The following FZD6 variants were observed in gnomAD, a reference collection of about 807,000 sequenced individuals.
The protein encoded by FZD6 is frizzled class receptor 6.
FZD6 carries 49 observed loss-of-function variants against 61.4 expected under a neutral mutation model. The observed-to-expected ratio is 0.80, with a 90% confidence interval of 0.63 to 1.01. The LOEUF (loss-of-function observed/expected upper bound fraction) is 1.01. FZD6 is among the 50% of genes least tolerant of loss of function. The pLI is 0.00. For missense variants in FZD6, 724 were observed against 848.2 expected (o/e 0.85, Z 1.82); for synonymous variants, 265 against 292.2 (o/e 0.91, Z 0.95).
chr8:103,315,615 G>C (rs1172655623), intron 2 of FZD6, among the ~76,000 whole-genome samples: 1 of 152,224 alleles, frequency 6.6e-6, no homozygotes, highest in South Asian at 2.1e-4. Flanking sequence ...TACTGAGGGG[G>C]TGAGGAGGAT....
chr8:103,328,748 T>C (rs1038430312), intron 5 of FZD6, among the ~76,000 whole-genome samples: 2 of 151,604 alleles, frequency 1.3e-5, no homozygotes, highest in Admixed American at 6.6e-5. Flanking sequence ...ATTGGATTCA[T>C]TATTTTGGGT....
At chr8:103,313,326 C>G (rs1282681140) in intron 2 of FZD6, among the ~76,000 whole-genome samples, 2 of 152,194 alleles carry the variant, frequency 1.3e-5, no homozygotes. Context: ...TACCTAACTT[C>G]TAATTCAGAG....
intron 2 of FZD6, among the ~76,000 whole-genome samples, chr8:103,310,217 T>G (rs1814454966): frequency 6.6e-6 from 1 of 152,190 alleles, no homozygotes. Flanking sequence ...CAGATCAAAC[T>G]GTGCTTGGTT....
Position 103,325,525 on chromosome 8 carries a change from T to C in FZD6, c.1392+27T>C, listed in dbSNP as rs769289936. On this transcript the variant is annotated intron_variant, in intron 4 of 6. Transcript: ENST00000358755. The stretch of plus-strand genomic sequence containing the variant: ...TAAAAGCTATCACTTGGATTATGTC[T>C]CTATTTACATTTAATGTAGAAAATG... The C allele has an allele frequency of 2.7e-6, 4 of 1,496,996 alleles. No individual in the cohort carries two copies. The Admixed American group carries it at 6.7e-5, about 25-fold the overall frequency. 92.7% of individuals were successfully genotyped at this position (1,496,996 alleles called of 1,614,324 possible). A position where few individuals can be genotyped will look rare whatever the true frequency, so the allele number is the denominator to read the frequency against.
rs773197811 is a variant in FZD6, at chr8:103,328,354, G to T, written c.1479G>T (p.Trp493Cys). 16 of 1,612,352 alleles carry T rather than the reference G, an allele frequency of 9.9e-6. No homozygotes were observed. Among genetic ancestry groups the T allele is most frequent in the Non-Finnish European group, 8.5e-7 (1 of 1,178,660 alleles). Residue 493 changes from tryptophan (W) to cysteine (C), a missense_variant, in exon 5 of 7, where the codon TGG becomes TGT. By Grantham distance (215) the Trp-to-Cys change is radical (BLOSUM62 -2). Coordinates refer to ENST00000358755, the MANE Select transcript of FZD6 (RefSeq NM_003506.4). Reference protein sequence around the residue: ...TLIVGISAVFWVGSKKTCTEW... With the variant: ...TLIVGISAVFCVGSKKTCTEW... Reference sequence around the variant, plus strand: ...TTGTTGGCATCTCTGCTGTCTTCTGGGTTGGAAGCAAAAAGACATGCACAG... The same window carrying T: ...TTGTTGGCATCTCTGCTGTCTTCTGTGTTGGAAGCAAAAAGACATGCACAG...
At chr8:103,304,237 T>C (rs1361315298) in intron 2 of FZD6, among the ~76,000 whole-genome samples, 1 of 152,256 alleles carries the variant, frequency 6.6e-6, no homozygotes. Flanking sequence ...ACTCCTTTTT[T>C]GTTCCTAGTT....
Position 103,325,353 on chromosome 8 carries a change from G to A in FZD6, c.1247G>A (p.Arg416Gln), listed in dbSNP as rs763949530. Reference protein sequence around the residue: ...NQEKLKKFMIRIGVFSGLYLV... With the variant: ...NQEKLKKFMIQIGVFSGLYLV... ...GAAAAACTAAAGAAATTTATGATTCGAATTGGAGTCTTCAGCGGCTTGTAT... is the reference window on the plus strand; with the variant it reads ...GAAAAACTAAAGAAATTTATGATTCAAATTGGAGTCTTCAGCGGCTTGTAT... Residue 416 changes from arginine (R) to glutamine (Q), a missense_variant, in exon 4 of 7, where the codon CGA becomes CAA. Physicochemically the swap from Arg to Gln is conservative, Grantham distance 43. Transcript: ENST00000358755. 4.3e-6 allele frequency: 7 copies of A among 1,614,026 alleles called. No individual in the cohort carries two copies. Among genetic ancestry groups the A allele is most frequent in the East Asian group, 2.2e-5 (1 of 44,880 alleles).
At position 103,331,453 on chromosome 8, in the gene FZD6, C is replaced by T; in HGVS notation, c.2065C>T (p.His689Tyr). 1 of 1,610,784 alleles carries T rather than the reference C, an allele frequency of 6.2e-7. No individual in the cohort carries two copies. The highest frequency in any genetic ancestry group is 8.5e-7 in the Non-Finnish European group (1 of 1,176,962). ...CAAAGGTTCCACATCTCTGCTTGTT[C>T]ACCCGGTTTCAGGAGTGAGAAAAGA... Reference protein sequence around the residue: ...SLKGSTSLLVHPVSGVRKEQG... With the variant: ...SLKGSTSLLVYPVSGVRKEQG... Residue 689 changes from histidine (H) to tyrosine (Y), a missense_variant, in exon 7 of 7, where the codon CAC becomes TAC. His to Tyr is a moderately conservative substitution (Grantham distance 83). Transcript: ENST00000358755.
rs1034087929 is a variant in FZD6 at position 103,312,787 on chromosome 8, A to G, written c.178-5803A>G. Among the ~76,000 whole-genome samples, 37 of 152,218 alleles carry G rather than the reference A, an allele frequency of 2.4e-4. 1 individual carries two copies. Among genetic ancestry groups the G allele is most frequent in the Admixed American group, 2.2e-3 (34 of 15,284 alleles). On this transcript the variant is annotated intron_variant, in intron 2 of 6. Transcript: ENST00000358755. ...GTGATTTGTTCTGAAAGTACTCCAT[A>G]TGATGGAATACTTGCTCTTGCTTCA... is the stretch of plus-strand genomic sequence containing the variant.
At chr8:103,315,666 C>T (rs375621801) in intron 2 of FZD6, among the ~76,000 whole-genome samples, 1 of 152,154 alleles carries the variant, frequency 6.6e-6, no homozygotes, top group South Asian at 2.1e-4. Context: ...GAGGAAACTT[C>T]TGGTGGTGAG....
intron 5 of FZD6, 137 bp downstream of exon 5, chr8:103,328,553 A>AT (rs926092172): frequency 9.8e-6 from 7 of 715,242 alleles, no homozygotes; most frequent in Admixed American, 2.7e-5. Context: ...AAGTTTGGAA[A>AT]TTTTTTTTAT....
At chr8:103,322,106 C>T (rs1464062175) in intron 3 of FZD6, among the ~76,000 whole-genome samples, 2 of 152,238 alleles carry the variant, frequency 1.3e-5, no homozygotes, top group South Asian at 2.1e-4. Flanking sequence ...AAAGTGAAAA[C>T]GTTACAAACA....
intron 2 of FZD6, among the ~76,000 whole-genome samples, chr8:103,317,149 A>AGGG (rs1814645859): frequency 6.6e-6 from 1 of 152,194 alleles, no homozygotes; most frequent in Non-Finnish European, 1.5e-5. Context: ...AGGGCACAAG[A>AGGG]CTCACTATCT....
chr8:103,329,979 A>G lies in FZD6; in HGVS notation c.1866A>G (p.Ala622=). 6.2e-7 allele frequency: 1 copy of G among 1,614,124 alleles called. No individual in the cohort carries two copies. The highest frequency in any genetic ancestry group is 8.5e-7 in the Non-Finnish European group (1 of 1,179,944). Residue 622 remains alanine (A), a synonymous_variant, in exon 6 of 7, where the codon GCA becomes GCG. Transcript: ENST00000358755. ...EQDCGEPASP[A]ASISRLSGEQ... ...ACTGTGGTGAACCTGCCTCGCCAGC[A>G]GCATCCATCTCCAGACTCTCTGGGG...
chr8:103,320,901 A>G (rs1814768696), intron 3 of FZD6, among the ~76,000 whole-genome samples: 1 of 152,156 alleles, frequency 6.6e-6, no homozygotes, highest in Admixed American at 6.6e-5. Flanking sequence ...TATTTCTTGT[A>G]CTCTTACTGT....
In FZD6 at chr8:103,325,158, A is replaced by T. The variant is rs1197995078; in HGVS notation, c.1052A>T (p.Asp351Val). ...MLLAMNKVEG[D>V]NISGVCFVGL... Reference sequence around the variant, plus strand: ...CTTGCTATGAACAAAGTTGAAGGAGACAACATTAGTGGAGTTTGCTTTGTT... The same window carrying T: ...CTTGCTATGAACAAAGTTGAAGGAGTCAACATTAGTGGAGTTTGCTTTGTT... Residue 351 changes from aspartate (D) to valine (V), a missense_variant, in exon 4 of 7, where the codon GAC becomes GTC. Physicochemically the swap from Asp to Val is radical, Grantham distance 152. Coordinates refer to ENST00000358755, the MANE Select transcript of FZD6 (RefSeq NM_003506.4). 4.3e-6 allele frequency: 7 copies of T among 1,614,024 alleles called. No homozygotes were observed. Among genetic ancestry groups the T allele is most frequent in the Admixed American group, 3.3e-5 (2 of 60,012 alleles).
chr8:103,318,140 T>TGGA (rs1293706219), intron 2 of FZD6, among the ~76,000 whole-genome samples: 1 of 152,128 alleles, frequency 6.6e-6, no homozygotes, highest in African/African-American at 2.4e-5. Context: ...GACTGAGCTC[T>TGGA]GGAGCATTTC....
chr8:103,317,186 G>A (rs1814647200), intron 2 of FZD6, among the ~76,000 whole-genome samples: 1 of 152,224 alleles, frequency 6.6e-6, no homozygotes, highest in African/African-American at 2.4e-5. Context: ...GGAACAGCAA[G>A]TGCAAAGACT....
At position 103,330,084 on chromosome 8, in the gene FZD6, T is replaced by C; in HGVS notation, c.1952+19T>C. The C allele has an allele frequency of 6.3e-7, 1 of 1,598,818 alleles. No homozygotes were observed. On this transcript the variant is annotated intron_variant, in intron 6 of 6. Transcript: ENST00000358755. ...AAGGAAGGTGAGATTTGATTTTATGTAAAATCATCACTATTTTAAATACTG... is the reference window on the plus strand; with the variant it reads ...AAGGAAGGTGAGATTTGATTTTATGCAAAATCATCACTATTTTAAATACTG...
Sources: allele counts gnomAD v4.1 joint callset (sites outside exome capture counted in the v4.1 genomes callset), GRCh38; gene constraint gnomAD v4.1.1; transcripts MANE v1.5; gene names NCBI Gene and HGNC (gene_info 2026-07-23, HGNC 2026-07-21).